MAP3K3: variants seen among roughly 807,000 people sequenced by gnomAD.
MAP3K3 encodes mitogen-activated protein kinase kinase kinase 3.
MAP3K3 carries 12 observed loss-of-function variants against 80.9 expected under a neutral mutation model. The observed-to-expected ratio is 0.15, with a 90% CI of 0.10 to 0.24. The LOEUF (loss-of-function observed/expected upper bound fraction) is 0.24, where lower values mean the gene tolerates loss of function less well. MAP3K3 is among the 10% of genes least tolerant of loss of function. The probability of loss-of-function intolerance (pLI) is 1.00; values close to 1 mark genes in which losing one functional copy is unlikely to be tolerated. For synonymous variants in MAP3K3, 272 were observed against 307.1 expected (o/e 0.89, Z 1.19); for missense variants, 596 against 834.7 (o/e 0.71, Z 3.52).
intron 5 of MAP3K3, among the ~76,000 whole-genome samples, chr17:63,660,802 G>A (rs1568137536): frequency 6.6e-6 from 1 of 151,216 alleles, no homozygotes; most frequent in African/African-American, 2.4e-5. Flanking sequence ...CTCCATGTTG[G>A]TCAGGCTGGT....
chr17:63,664,039 G>A lies in MAP3K3; in HGVS notation c.382-2901G>A, dbSNP rs578043303. On this transcript the variant is annotated intron_variant, in intron 5 of 15. Transcript: ENST00000361733. ...GGGCGGATCACGAGGTCAGGAGATC[G>A]AGACCATCCTGGCTAACACGGTGAA... Among the ~76,000 whole-genome samples, 76 of 151,690 alleles carry A rather than the reference G, an allele frequency of 5.0e-4. 1 individual carries two copies. In the East Asian group the frequency reaches 7.8e-3, roughly 16 times the overall value.
At chr17:63,681,127 A>G (rs886668909) in intron 6 of MAP3K3, among the ~76,000 whole-genome samples, 6 of 152,080 alleles carry the variant, frequency 3.9e-5, no homozygotes, top group African/African-American at 1.4e-4. Context: ...AAAAAAAAAA[A>G]AAAGGTAATA....
At chr17:63,684,642 A>G (rs1393338616) in intron 7 of MAP3K3, among the ~76,000 whole-genome samples, 1 of 152,074 alleles carries the variant, frequency 6.6e-6, no homozygotes, top group Non-Finnish European at 1.5e-5. Context: ...TCCCTATGTA[A>G]TTTTTTAAAA....
At chr17:63,669,465 A>G (rs1320870325) in intron 6 of MAP3K3, among the ~76,000 whole-genome samples, 1 of 151,056 alleles carries the variant, frequency 6.6e-6, no homozygotes, top group African/African-American at 2.4e-5. Context: ...AATATTTATT[A>G]TGTTGTCTTT....
In MAP3K3 at chr17:63,683,993, C is replaced by CA. The variant is rs879856434; in HGVS notation, c.637-1512dup. On this transcript the variant is annotated intron_variant, in intron 7 of 15. Transcript: ENST00000361733. ...GCAACATAGCAAAACCCTGTCTCTA[C>CA]AAAAAAAAAAAATTTAATTAGCTGG... Among the ~76,000 whole-genome samples, 139 of 141,786 alleles carry CA rather than the reference C, an allele frequency of 9.8e-4. 1 individual carries two copies. The highest frequency in any genetic ancestry group is 3.7e-3 in the Middle Eastern group (1 of 272). 93.0% of individuals were successfully genotyped at this position (141,786 alleles called of 152,430 possible).
intron 2 of MAP3K3, among the ~76,000 whole-genome samples, chr17:63,641,008 T>C (rs1294100207): frequency 6.6e-6 from 1 of 152,134 alleles, no homozygotes; most frequent in Non-Finnish European, 1.5e-5. Flanking sequence ...ATACTACCCC[T>C]CTAAATCCAA....
rs756606204 is a variant in MAP3K3 at position 63,634,778 on chromosome 17, G to A, written c.126+1976G>A. On this transcript the variant is annotated intron_variant, in intron 2 of 15. Coordinates refer to ENST00000361733, the MANE Select transcript of MAP3K3 (RefSeq NM_002401.5). ...AGTAACAACAAGCTCATGTGCAGGG[G>A]CCAGTGAGAAAAAGAAATTTTTGGT... 5 of 1,613,872 alleles carry A rather than the reference G, an allele frequency of 3.1e-6. No individual in the cohort carries two copies. The highest frequency in any genetic ancestry group is 1.7e-5 in the Admixed American group (1 of 59,928).
At position 63,693,046 on chromosome 17, in the gene MAP3K3, G is replaced by A. The variant is rs188768443; in HGVS notation, c.1653-503G>A. Among the ~76,000 whole-genome samples, 1 of 152,278 alleles carries A rather than the reference G, an allele frequency of 6.6e-6. No individual in the cohort carries two copies. The highest frequency in any genetic ancestry group is 6.5e-5 in the Admixed American group (1 of 15,292). On this transcript the variant is annotated intron_variant, in intron 15 of 15. Coordinates refer to ENST00000361733, the MANE Select transcript of MAP3K3 (RefSeq NM_002401.5). This position sits in a 1 kb window ranked among gnomAD's most constrained non-coding sequence, Gnocchi z 4.2. Reference sequence around the variant, plus strand: ...AGGAGGTGAGACAATGAAAGCAAGAGGTTGGAGTAATACAAGGAGGGGACC... The same window carrying A: ...AGGAGGTGAGACAATGAAAGCAAGAAGTTGGAGTAATACAAGGAGGGGACC...
At chr17:63,663,965 G>A (rs1406789232) in intron 5 of MAP3K3, among the ~76,000 whole-genome samples, 2 of 152,196 alleles carry the variant, frequency 1.3e-5, no homozygotes, top group South Asian at 2.1e-4. Context: ...GCTTTAGGCC[G>A]GGCGCGGTGG....
chr17:63,686,079 GGGAGGAAACAAGTGGTGT>G lies in MAP3K3; in HGVS notation c.710+490_710+507del, dbSNP rs541653863. ...GGTGTATATCTTCTTCTTACACTTT[GGGAGGAAACAAGTGGTGT>G]CCTTTACATACCAAATCGCAAGGGT... is the stretch of plus-strand genomic sequence containing the variant. On this transcript the variant is annotated intron_variant, in intron 8 of 15. Transcript: ENST00000361733. Among the ~76,000 whole-genome samples the G allele has an allele frequency of 1.6e-3, 243 of 152,218 alleles. 4 individuals carry two copies. The highest frequency in any genetic ancestry group is 2.5e-3 in the Non-Finnish European group (169 of 68,012).
chr17:63,657,738 C>A, intron 4 of MAP3K3, 56 bp from the exon 5 acceptor site: 1 of 736,212 alleles, frequency 1.4e-6, no homozygotes, highest in South Asian at 1.8e-5. Flanking sequence ...CAAAGTGAAA[C>A]ATTGAGATAA....
chr17:63,629,388 G>T, intron 1 of MAP3K3, among the ~76,000 whole-genome samples: 1 of 152,192 alleles, frequency 6.6e-6, no homozygotes, highest in East Asian at 1.9e-4. Context: ...GCCTCCCAAA[G>T]TGCTAGAATT....
At position 63,681,907 on chromosome 17, in the gene MAP3K3, T is replaced by C; in HGVS notation, c.636+8T>C. On this transcript the variant is annotated splice_region_variant and intron_variant, in intron 7 of 15. Coordinates refer to ENST00000361733, the MANE Select transcript of MAP3K3 (RefSeq NM_002401.5). The stretch of plus-strand genomic sequence containing the variant: ...GAGACCAGCGAGCAGTGCGTGAGTA[T>C]AGGGGGGCTGGGATATGCCTGTGGC... 1.4e-6 allele frequency: 2 copies of C among 1,406,564 alleles called. No individual in the cohort carries two copies. Among genetic ancestry groups the C allele is most frequent in the Non-Finnish European group, 1.9e-6 (2 of 1,066,410 alleles). The allele number at this position is 1,406,564 out of a possible 1,614,324, so 87.1% of individuals were successfully genotyped here.
At chr17:63,674,640 C>T (rs1169211087) in intron 6 of MAP3K3, among the ~76,000 whole-genome samples, 1 of 152,048 alleles carries the variant, frequency 6.6e-6, no homozygotes, top group African/African-American at 2.4e-5. Flanking sequence ...TATGAGCCAC[C>T]ATGCCCAGCC....
intron 4 of MAP3K3, among the ~76,000 whole-genome samples, chr17:63,655,961 G>C (rs1019074378): frequency 6.6e-6 from 1 of 152,148 alleles, no homozygotes; most frequent in African/African-American, 2.4e-5. Context: ...GAGGCGCGAT[G>C]GTTCATGCCT....
chr17:63,693,248 G>C lies in MAP3K3; in HGVS notation c.1653-301G>C, dbSNP rs115576692. Among the ~76,000 whole-genome samples the C allele has an allele frequency of 2.0e-5, 3 of 152,186 alleles. No individual in the cohort carries two copies. The highest frequency in any genetic ancestry group is 7.2e-5 in the African/African-American group (3 of 41,432). Reference sequence around the variant, plus strand: ...GATGATACATTTGTGTTGTTTTCCTGCCTCTAAGTTTGTGGTCATTTGTTA... The same window carrying C: ...GATGATACATTTGTGTTGTTTTCCTCCCTCTAAGTTTGTGGTCATTTGTTA... On this transcript the variant is annotated intron_variant, in intron 15 of 15. Transcript: ENST00000361733. The surrounding 1 kb of genome is among the most constrained non-coding windows in gnomAD (Gnocchi z 4.2).
intron 3 of MAP3K3, among the ~76,000 whole-genome samples, chr17:63,648,299 A>G (rs116745864): frequency 1.9e-4 from 29 of 152,268 alleles, no homozygotes; most frequent in African/African-American, 6.3e-4. Context: ...TCCTTTTTCA[A>G]TAGTGTGCTA....
chr17:63,670,184 T>A (rs2035075954), intron 6 of MAP3K3, among the ~76,000 whole-genome samples: 1 of 152,098 alleles, frequency 6.6e-6, no homozygotes, highest in Non-Finnish European at 1.5e-5. Context: ...CCTGTCCCTG[T>A]GGCCTTTACA....
intron 2 of MAP3K3, among the ~76,000 whole-genome samples, chr17:63,645,761 G>A (rs73337523): frequency 0.018 from 2,579 of 143,954 alleles, 71 homozygotes; most frequent in African/African-American, 0.061. Flanking sequence ...GGGTGTGTAT[G>A]AAGCTAGAAA....
Sources: allele counts gnomAD v4.1 joint callset (sites outside exome capture counted in the v4.1 genomes callset), GRCh38; gene constraint gnomAD v4.1.1; non-coding constraint Gnocchi (gnomAD v3.1); transcripts MANE v1.5; gene names NCBI Gene and HGNC (gene_info 2026-07-23, HGNC 2026-07-21).